MPP7: variants seen among roughly 807,000 people sequenced by gnomAD.
The protein encoded by MPP7 is MAGUK p55 subfamily member 7.
In MPP7, 60 loss-of-function variants were observed where a neutral mutation model predicts 76.5. The observed-to-expected ratio is 0.78, with a 90% CI of 0.64 to 0.97. The LOEUF (loss-of-function observed/expected upper bound fraction) is 0.97. MPP7 is among the 50% of genes least tolerant of loss of function. The pLI is 0.00. For missense variants in MPP7, 641 were observed against 694.0 expected, an observed-to-expected ratio of 0.92 and a Z score of 0.86; for synonymous variants, 237 against 244.5, an observed-to-expected ratio of 0.97 and a Z score of 0.29.
chr10:28,121,588 C>G (rs1290907810), intron 8 of MPP7, among the ~76,000 whole-genome samples: 1 of 152,076 alleles, frequency 6.6e-6, no homozygotes, highest in Non-Finnish European at 1.5e-5. Context: ...TAAATATAGT[C>G]TCATGTCATT....
intron 2 of MPP7, among the ~76,000 whole-genome samples, chr10:28,214,573 A>T (rs1182990948): frequency 2.0e-5 from 3 of 152,124 alleles, no homozygotes; most frequent in Non-Finnish European, 4.4e-5. Flanking sequence ...GGCACTATGA[A>T]GGGCTGGAGA....
intron 3 of MPP7, among the ~76,000 whole-genome samples, chr10:28,159,395 C>T (rs1469274918): frequency 6.6e-6 from 1 of 152,144 alleles, no homozygotes; most frequent in African/African-American, 2.4e-5. Context: ...AATTTATTCA[C>T]TTAAAATAAC....
intron 11 of MPP7, among the ~76,000 whole-genome samples, chr10:28,108,570 T>C (rs1005855766): frequency 6.6e-6 from 1 of 151,940 alleles, no homozygotes; most frequent in Non-Finnish European, 1.5e-5. Context: ...GGTGGGAGGA[T>C]GGTTTGAGCC....
intron 2 of MPP7, among the ~76,000 whole-genome samples, chr10:28,224,390 C>A (rs1309585486): frequency 7.3e-5 from 11 of 151,360 alleles, no homozygotes; most frequent in African/African-American, 2.7e-4. Context: ...AAACTGAAGA[C>A]TGCAAATTTT....
Position 28,089,760 on chromosome 10 carries a change from T to C in MPP7, c.1034A>G (p.Gln345Arg), listed in dbSNP as rs773216504. The C allele has an allele frequency of 1.9e-6, 3 of 1,610,742 alleles. No individual in the cohort carries two copies. The highest frequency in any genetic ancestry group is 1.7e-6 in the Non-Finnish European group (2 of 1,177,042). The change falls in exon 12 of 17, where the codon CAG becomes CGG. Residue 345 changes from glutamine to arginine, a missense_variant. Physicochemically the swap from Gln to Arg is conservative, Grantham distance 43. Coordinates refer to ENST00000683449, the MANE Select transcript of MPP7 (RefSeq NM_001318170.2). ...KSMYECKKSDQYDTADVPTYE... is the reference protein window; with the variant it reads ...KSMYECKKSDRYDTADVPTYE... ...TGTGGGTACGTCAGCTGTGTCGTAC[T>C]GATCACTCTTCTTGCATTCATACAT...
chr10:28,208,332 C>A (rs1838014026), intron 2 of MPP7, among the ~76,000 whole-genome samples: 1 of 152,144 alleles, frequency 6.6e-6, no homozygotes, highest in Admixed American at 6.5e-5. Context: ...GGCTGGCAGG[C>A]AGGAAACCAT....
intron 3 of MPP7, 51 bp from the exon 4 acceptor site, chr10:28,150,110 G>C: frequency 7.9e-7 from 1 of 1,261,578 alleles, no homozygotes; most frequent in Non-Finnish European, 1.2e-6. Flanking sequence ...AACAATCTCA[G>C]ATAGCTGCAC....
chr10:28,249,395 C>T (rs894019512), intron 1 of MPP7, among the ~76,000 whole-genome samples: 1 of 152,120 alleles, frequency 6.6e-6, no homozygotes, highest in Non-Finnish European at 1.5e-5. Flanking sequence ...TCAAGACCAG[C>T]CTGACCAACA....
At chr10:28,099,474 TCATAA>T (rs902738759) in intron 11 of MPP7, among the ~76,000 whole-genome samples, 3 of 152,202 alleles carry the variant, frequency 2.0e-5, no homozygotes, top group African/African-American at 7.2e-5. Context: ...TAGTCTTGAC[TCATAA>T]CAGAGGATTA....
intron 11 of MPP7, among the ~76,000 whole-genome samples, chr10:28,099,817 A>T (rs560813909): frequency 3.5e-4 from 53 of 152,234 alleles, no homozygotes; most frequent in African/African-American, 6.0e-4. Flanking sequence ...CCCAAAAAAA[A>T]AAATAAATAA....
At chr10:28,101,504 G>T (rs76791720) in intron 11 of MPP7, among the ~76,000 whole-genome samples, 1,832 of 152,096 alleles carry the variant, frequency 0.012, 53 homozygotes, top group East Asian at 0.11. Context: ...AACAACAAAT[G>T]GACAGTTTCA....
chr10:28,089,723 CA>C lies in MPP7; in HGVS notation c.1070del (p.Val357GlyfsTer23). On this transcript the variant is annotated frameshift_variant, in exon 12 of 17. Coordinates refer to ENST00000683449, the MANE Select transcript of MPP7 (RefSeq NM_001318170.2). LOFTEE classifies it high-confidence loss of function. ...CATTAGTTTGTCGCCGATACGGTGTCACTTCTTCGTATGTGGGTACGTCAGC... is the reference window on the plus strand; with the variant it reads ...CATTAGTTTGTCGCCGATACGGTGTCCTTCTTCGTATGTGGGTACGTCAGC... ...DTADVPTYEE[V>X]TPYRRQTNEK... 3 of 1,613,924 alleles carry C rather than the reference CA, an allele frequency of 1.9e-6. No homozygotes were observed. Among genetic ancestry groups the C allele is most frequent in the Non-Finnish European group, 2.5e-6 (3 of 1,179,886 alleles).
intron 5 of MPP7, among the ~76,000 whole-genome samples, chr10:28,147,180 A>C (rs1372443958): frequency 1.3e-5 from 2 of 152,194 alleles, no homozygotes; most frequent in African/African-American, 4.8e-5. Context: ...AATGGACCTA[A>C]ACAAAATTAC....
intron 2 of MPP7, among the ~76,000 whole-genome samples, chr10:28,321,180 A>G (rs113806564): frequency 1.1e-3 from 160 of 152,348 alleles, no homozygotes; most frequent in African/African-American, 3.5e-3. Context: ...TCTCCTGCAA[A>G]AAAATAGAAA....
chr10:28,133,430 T>A (rs1469063880), intron 5 of MPP7, among the ~76,000 whole-genome samples: 1 of 152,182 alleles, frequency 6.6e-6, no homozygotes, highest in African/African-American at 2.4e-5. Flanking sequence ...AAACATTACA[T>A]AAAAGCAGAT....
chr10:28,237,619 G>A (rs776792853), intron 2 of MPP7, among the ~76,000 whole-genome samples: 4 of 152,100 alleles, frequency 2.6e-5, no homozygotes, highest in Non-Finnish European at 4.4e-5. Context: ...TTTCTGTTTC[G>A]GTGTTTTTGA....
In MPP7 at chr10:28,087,318, C is replaced by A. The variant is rs141814617; in HGVS notation, c.1123+2353G>T. On this transcript the variant is annotated intron_variant, in intron 12 of 16. Coordinates refer to ENST00000683449, the MANE Select transcript of MPP7 (RefSeq NM_001318170.2). Reference sequence around the variant, plus strand: ...TATTAGAACCATCAGCCAAACAAATCATTTTTCTTTATGAATTACCCAATC... The same window carrying A: ...TATTAGAACCATCAGCCAAACAAATAATTTTTCTTTATGAATTACCCAATC... 6.6e-5 allele frequency among the ~76,000 whole-genome samples: 10 copies of A among 152,324 alleles called. No homozygotes were observed. The South Asian group carries it at 1.0e-3, about 16-fold the overall frequency.
At chr10:28,169,492 G>A (rs1836605351) in intron 3 of MPP7, among the ~76,000 whole-genome samples, 1 of 149,894 alleles carries the variant, frequency 6.7e-6, no homozygotes, top group South Asian at 2.1e-4. Context: ...TTCCAGCCTG[G>A]GCAACAAAGC....
intron 1 of MPP7, among the ~76,000 whole-genome samples, chr10:28,269,928 C>T (rs1278555189): frequency 1.3e-5 from 2 of 152,118 alleles, no homozygotes; most frequent in Non-Finnish European, 2.9e-5. Flanking sequence ...GATATCAGGA[C>T]AGAAAGAGAC....
Sources: gnomAD v4.1 joint callset for allele counts (sites outside exome capture counted in the v4.1 genomes callset) on GRCh38, gnomAD v4.1.1 for gene constraint, MANE v1.5 for transcripts, NCBI Gene and HGNC (gene_info 2026-07-23, HGNC 2026-07-21) for gene names.